GALNT13: variants seen among roughly 807,000 people sequenced by gnomAD.
GALNT13 encodes UDP-GalNAc:polypeptide N-acetylgalactosaminyltransferase 13.
A neutral mutation model predicts 64.2 loss-of-function variants in GALNT13; 28 were observed. That is an observed-to-expected ratio of 0.44 (90% confidence interval 0.32 to 0.60). The LOEUF is 0.60. Ranked by LOEUF, GALNT13 falls within the 20% of genes least tolerant of loss-of-function variation. The pLI is 0.05. For missense variants in GALNT13, 577 were observed against 669.8 expected, an observed-to-expected ratio of 0.86 and a Z score of 1.53; for synonymous variants, 214 against 224.6, an observed-to-expected ratio of 0.95 and a Z score of 0.42.
intron 4 of GALNT13, among the ~76,000 whole-genome samples, chr2:154,155,862 C>T (rs995111152): frequency 2.0e-5 from 3 of 151,390 alleles, no homozygotes; most frequent in African/African-American, 7.3e-5. Flanking sequence ...TGTTACATTC[C>T]AAGTCCAACT....
chr2:154,244,488 A>T (rs2105875370), intron 6 of GALNT13, among the ~76,000 whole-genome samples: 1 of 152,288 alleles, frequency 6.6e-6, no homozygotes, highest in Admixed American at 6.5e-5. Context: ...GTATTGGTGA[A>T]ACTGGTGTTA....
At chr2:153,559,171 C>T in the GALNT13 span, among the ~76,000 whole-genome samples, 1 of 152,046 alleles carries the variant, frequency 6.6e-6, no homozygotes, top group African/African-American at 2.4e-5. Context: ...TAATAGCTAA[C>T]AAAATTAACA....
the GALNT13 span, among the ~76,000 whole-genome samples, chr2:153,658,706 A>T: frequency 1.4e-4 from 22 of 152,156 alleles, no homozygotes; most frequent in African/African-American, 5.3e-4. Flanking sequence ...TCATTTGGAG[A>T]TTACATATGT....
At position 154,217,729 on chromosome 2, in the gene GALNT13, G is replaced by A. The variant is rs1381681653; in HGVS notation, c.312-24301G>A. On this transcript the variant is annotated intron_variant, in intron 4 of 12. Transcript: ENST00000392825. ...TTTTCTTTTTTCATGAGTAATGCATGCTTATAGTTATAAAAAGAAAATAAA... is the reference window on the plus strand; with the variant it reads ...TTTTCTTTTTTCATGAGTAATGCATACTTATAGTTATAAAAAGAAAATAAA... 2.0e-5 allele frequency among the ~76,000 whole-genome samples: 3 copies of A among 152,258 alleles called. No homozygotes were observed. In the East Asian group the frequency reaches 5.8e-4, roughly 29 times the overall value.
chr2:153,756,439 TC>T, the GALNT13 span, among the ~76,000 whole-genome samples: 6 of 152,086 alleles, frequency 3.9e-5, no homozygotes, highest in Non-Finnish European at 8.8e-5. Flanking sequence ...TTTTATAAAA[TC>T]AAACATCGAT....
At chr2:154,196,394 A>T (rs1170513357) in intron 4 of GALNT13, among the ~76,000 whole-genome samples, 1 of 152,200 alleles carries the variant, frequency 6.6e-6, no homozygotes, top group Admixed American at 6.5e-5. Flanking sequence ...GAAACAGAAG[A>T]GTTCATGCTT....
the GALNT13 span, among the ~76,000 whole-genome samples, chr2:153,377,433 A>G: frequency 1.3e-5 from 2 of 152,084 alleles, no homozygotes; most frequent in African/African-American, 2.4e-5. Context: ...TGTTTTGGTC[A>G]TGAGGGTGGA....
chr2:153,676,577 A>G, the GALNT13 span, among the ~76,000 whole-genome samples: 1 of 152,136 alleles, frequency 6.6e-6, no homozygotes, highest in Non-Finnish European at 1.5e-5. Flanking sequence ...ATGTCAGGCC[A>G]ATATTGCTGA....
intron 8 of GALNT13, among the ~76,000 whole-genome samples, chr2:154,291,020 G>A (rs778044521): frequency 6.6e-5 from 10 of 151,976 alleles, no homozygotes; most frequent in Admixed American, 1.3e-4. Flanking sequence ...AAGGCAGCCC[G>A]GACCCAAAGA....
At chr2:153,933,281 G>C (rs1690662525) in intron 2 of GALNT13, among the ~76,000 whole-genome samples, 2 of 152,084 alleles carry the variant, frequency 1.3e-5, no homozygotes, top group Non-Finnish European at 2.9e-5. Context: ...CCTAAAAAGA[G>C]AATTTCTGTG....
At chr2:153,350,145 A>G in the GALNT13 span, among the ~76,000 whole-genome samples, 1 of 152,072 alleles carries the variant, frequency 6.6e-6, no homozygotes, top group African/African-American at 2.4e-5. Context: ...TTGTTGTCCA[A>G]CTTTTCCATT....
the GALNT13 span, among the ~76,000 whole-genome samples, chr2:153,449,143 C>A: frequency 6.6e-6 from 1 of 152,136 alleles, no homozygotes; most frequent in Admixed American, 6.6e-5. Flanking sequence ...AGGAACAGAG[C>A]CCTCACCAAA....
At chr2:154,167,773 C>T (rs1685117040) in intron 4 of GALNT13, among the ~76,000 whole-genome samples, 1 of 152,006 alleles carries the variant, frequency 6.6e-6, no homozygotes, top group East Asian at 1.9e-4. Context: ...GGATAGAGTC[C>T]TGATAGAAAG....
rs548692317 is a variant in GALNT13 at position 154,131,085 on chromosome 2, T to C, written c.143-9252T>C. On this transcript the variant is annotated intron_variant, in intron 3 of 12. Coordinates refer to ENST00000392825, the MANE Select transcript of GALNT13 (RefSeq NM_052917.4). ...CTGGAGCCATTGCAAGATAAGGGCC[T>C]TTTAAATATTTTTTATTGAGGAAGC... is the stretch of plus-strand genomic sequence containing the variant. 3.9e-5 allele frequency among the ~76,000 whole-genome samples: 6 copies of C among 152,280 alleles called. 1 individual carries two copies. The East Asian group carries it at 9.6e-4, about 24-fold the overall frequency.
the GALNT13 span, among the ~76,000 whole-genome samples, chr2:153,514,797 G>T: frequency 7.9e-4 from 120 of 152,230 alleles, no homozygotes; most frequent in African/African-American, 2.8e-3. Context: ...TGGATACTTG[G>T]TTGGATCCTG....
the GALNT13 span, among the ~76,000 whole-genome samples, chr2:153,325,445 C>T: frequency 4.8e-5 from 4 of 82,852 alleles, no homozygotes; most frequent in Non-Finnish European, 1.2e-4. Context: ...TTCAAAAAAA[C>T]AGCTCCTGGA....
chr2:154,043,414 T>A (rs1273585864), intron 3 of GALNT13, among the ~76,000 whole-genome samples: 2 of 78,268 alleles, frequency 2.6e-5, no homozygotes, highest in East Asian at 7.0e-4. Context: ...ATAAGGACTT[T>A]TATATATATA....
chr2:153,958,841 T>G (rs1481447599), intron 3 of GALNT13, among the ~76,000 whole-genome samples: 5 of 152,112 alleles, frequency 3.3e-5, no homozygotes, highest in Admixed American at 3.3e-4. Flanking sequence ...GTAAACAGCA[T>G]TGCCCAAGGG....
the GALNT13 span, among the ~76,000 whole-genome samples, chr2:153,578,838 G>A: frequency 0.019 from 2,931 of 152,166 alleles, 97 homozygotes; most frequent in African/African-American, 0.068. Flanking sequence ...ACACATTGGC[G>A]TCACTCCTGG....
Sources: gnomAD v4.1 joint callset for allele counts (sites outside exome capture counted in the v4.1 genomes callset) on GRCh38, gnomAD v4.1.1 for gene constraint, MANE v1.5 for transcripts, NCBI Gene and HGNC (gene_info 2026-07-23, HGNC 2026-07-21) for gene names.